Variants in VTA1 observed in about 807,000 individuals in gnomAD.
VTA1 encodes vesicle trafficking 1.
Under a neutral mutation model 36.9 loss-of-function variants are expected in VTA1, and 24 were observed. The observed-to-expected ratio is 0.65, with a 90% CI of 0.47 to 0.91. The LOEUF is 0.91. Among genes scored for constraint, VTA1 ranks in the 40% least tolerant of loss-of-function variants. VTA1 has a pLI of 0.00. For synonymous variants in VTA1, 142 were observed against 130.2 expected (o/e 1.09, Z -0.62); for missense variants, 393 against 377.2 (o/e 1.04, Z -0.35).
At chr6:142,210,103 T>C (rs1363752106) in intron 7 of VTA1, among the ~76,000 whole-genome samples, 2 of 152,100 alleles carry the variant, frequency 1.3e-5, no homozygotes, top group Non-Finnish European at 2.9e-5. Context: ...AGAATCCTGA[T>C]ATACATTTAT....
At chr6:142,162,990 TA>T (rs1393323813) in intron 1 of VTA1, among the ~76,000 whole-genome samples, 4 of 152,126 alleles carry the variant, frequency 2.6e-5, no homozygotes, top group Non-Finnish European at 5.9e-5. Flanking sequence ...AGAGAGCACA[TA>T]AAATTGTTGG....
intron 4 of VTA1, among the ~76,000 whole-genome samples, chr6:142,181,094 A>ATATATATATATATATATATATAT (rs1554219841): frequency 6.3e-4 from 23 of 36,412 alleles, no homozygotes; most frequent in South Asian, 2.8e-3. Context: ...AAAAAAAAAA[A>ATATATATATATATATATATATAT]ATATATATAT....
intron 7 of VTA1, among the ~76,000 whole-genome samples, chr6:142,214,466 C>T (rs761321000): frequency 2.0e-5 from 3 of 152,154 alleles, no homozygotes; most frequent in Admixed American, 6.5e-5. Context: ...TTTAAACCAT[C>T]AGATCTCATG....
At chr6:142,195,298 T>G (rs1431336381) in intron 5 of VTA1, among the ~76,000 whole-genome samples, 1 of 152,026 alleles carries the variant, frequency 6.6e-6, no homozygotes, top group East Asian at 1.9e-4. Context: ...TCTTTTTGGG[T>G]GAGTTATGGT....
chr6:142,181,089 AAAAAAATATATATAT>A (rs1775219836), intron 4 of VTA1, among the ~76,000 whole-genome samples: 1 of 74,390 alleles, frequency 1.3e-5, no homozygotes, highest in Non-Finnish European at 2.5e-5. Context: ...AAAAAAAAAA[AAAAAAATATATATAT>A]ATATATATAT....
Position 142,151,971 on chromosome 6 carries a change from T to G in VTA1, c.112+4572T>G, listed in dbSNP as rs532159907. On this transcript the variant is annotated intron_variant, in intron 1 of 7. Coordinates refer to ENST00000367630, the MANE Select transcript of VTA1 (RefSeq NM_016485.5). ...ATTGCTTGAACCTGGAGGTGGAGGT[T>G]GCAGTGAGCTGAGATCGTGCAATTG... is the stretch of plus-strand genomic sequence containing the variant. 2.6e-5 allele frequency among the ~76,000 whole-genome samples: 4 copies of G among 152,218 alleles called. No homozygotes were observed. The East Asian group carries it at 7.7e-4, about 29-fold the overall frequency.
intron 7 of VTA1, among the ~76,000 whole-genome samples, chr6:142,217,249 A>G (rs1437461055): frequency 6.6e-6 from 1 of 152,158 alleles, no homozygotes; most frequent in Non-Finnish European, 1.5e-5. Flanking sequence ...ACTAGTAAGT[A>G]TATGTGTATT....
chr6:142,190,776 A>G (rs1274655423), intron 5 of VTA1, among the ~76,000 whole-genome samples: 1 of 152,212 alleles, frequency 6.6e-6, no homozygotes, highest in Non-Finnish European at 1.5e-5. Context: ...CAGTTTATGA[A>G]TGATACTGTC....
chr6:142,218,598 G>T lies in VTA1; in HGVS notation c.879G>T (p.Gln293His), dbSNP rs747345637. 3 of 1,612,920 alleles carry T rather than the reference G, an allele frequency of 1.9e-6. No individual in the cohort carries two copies. The Admixed American group carries it at 5.0e-5, about 27-fold the overall frequency. ...ATGAAGATGTAAGCACTGCTGTCCA[G>T]AATCTACAAAAGGCTCTCAAGTTAC... is the stretch of plus-strand genomic sequence containing the variant. ...LQYEDVSTAV[Q>H]NLQKALKLLT... Residue 293 changes from glutamine (Q) to histidine (H), a missense_variant, in exon 8 of 8, where the codon CAG becomes CAT. Transcript: ENST00000367630.
In VTA1 at chr6:142,220,758, G is replaced by A. The variant is rs1416697912; in HGVS notation, c.*2115G>A. ...CCTATAAAATCTTAAAATAAAATTA[G>A]GAGATGTGTTCTGATGTAACAGTAG... On this transcript the variant is annotated 3_prime_UTR_variant, in exon 8 of 8. Coordinates refer to ENST00000367630, the MANE Select transcript of VTA1 (RefSeq NM_016485.5). 6.6e-6 allele frequency: 1 copy of A among 152,008 alleles called. No homozygotes were observed. The highest frequency in any genetic ancestry group is 2.1e-4 in the South Asian group (1 of 4,804). The allele number at this position is 152,008 out of a possible 1,614,324, so 9.4% of individuals were successfully genotyped here. A position where few individuals can be genotyped will look rare whatever the true frequency, so the allele number is the denominator to read the frequency against.
At chr6:142,177,407 C>T (rs1775146057) in intron 4 of VTA1, among the ~76,000 whole-genome samples, 1 of 151,992 alleles carries the variant, frequency 6.6e-6, no homozygotes. Flanking sequence ...ATTGTAATAC[C>T]TGTTTTGTCA....
chr6:142,159,073 G>C (rs1774719546), intron 1 of VTA1, among the ~76,000 whole-genome samples: 1 of 151,934 alleles, frequency 6.6e-6, no homozygotes. Flanking sequence ...TTTAAATCTG[G>C]TATTGGTTGG....
intron 1 of VTA1, among the ~76,000 whole-genome samples, chr6:142,164,502 A>G (rs1774876620): frequency 6.6e-6 from 1 of 152,216 alleles, no homozygotes; most frequent in South Asian, 2.1e-4. Context: ...CCTAAGCACT[A>G]AAAAGCAGTT....
intron 5 of VTA1, among the ~76,000 whole-genome samples, chr6:142,189,947 C>T (rs908905562): frequency 3.5e-4 from 53 of 152,076 alleles, no homozygotes; most frequent in Admixed American, 1.2e-3. Flanking sequence ...TTAGTAGAGA[C>T]GGGGTTTCAC....
In VTA1 at chr6:142,176,232, G is replaced by A. The variant is rs570417718; in HGVS notation, c.411+5811G>A. Among the ~76,000 whole-genome samples the A allele has an allele frequency of 1.6e-3, 241 of 152,256 alleles. No homozygotes were observed. In the Middle Eastern group the frequency reaches 0.02, roughly 13 times the overall value. On this transcript the variant is annotated intron_variant, in intron 4 of 7. Transcript: ENST00000367630. ...TTTTTCATTCATAATCTTTGGTTAAGATTAATACTGCCAAGTTAGGTAGAA... is the reference window on the plus strand; with the variant it reads ...TTTTTCATTCATAATCTTTGGTTAAAATTAATACTGCCAAGTTAGGTAGAA...
chr6:142,147,873 G>T (rs1269645008), intron 1 of VTA1, among the ~76,000 whole-genome samples: 1 of 152,218 alleles, frequency 6.6e-6, no homozygotes. Context: ...TTGGTTAAAT[G>T]GGGAGTATCT....
At chr6:142,216,392 A>T (rs1776005295) in intron 7 of VTA1, among the ~76,000 whole-genome samples, 6 of 152,126 alleles carry the variant, frequency 3.9e-5, no homozygotes, top group Admixed American at 3.9e-4. Context: ...AATAAAGGAG[A>T]GCCTATGTGT....
chr6:142,179,872 G>A (rs1481808083), intron 4 of VTA1, among the ~76,000 whole-genome samples: 1 of 152,098 alleles, frequency 6.6e-6, no homozygotes, highest in Admixed American at 6.6e-5. Flanking sequence ...TATTCTAAGA[G>A]TGACCAAATG....
chr6:142,155,355 A>G (rs1778644425), intron 1 of VTA1, among the ~76,000 whole-genome samples: 2 of 152,192 alleles, frequency 1.3e-5, no homozygotes, highest in Non-Finnish European at 2.9e-5. Flanking sequence ...CTTTATGCAG[A>G]ATTTCCTGAA....
Sources: gnomAD v4.1 joint callset for allele counts (sites outside exome capture counted in the v4.1 genomes callset) on GRCh38, gnomAD v4.1.1 for gene constraint, MANE v1.5 for transcripts, NCBI Gene and HGNC (gene_info 2026-07-23, HGNC 2026-07-21) for gene names.